Variants in SGCD observed in about 807,000 individuals in gnomAD.
SGCD encodes the protein sarcoglycan delta.
A neutral mutation model predicts 36.6 loss-of-function variants in SGCD; 18 were observed. The observed-to-expected ratio is 0.49, with a 90% CI of 0.34 to 0.73. The LOEUF (loss-of-function observed/expected upper bound fraction) is 0.73, where lower values mean the gene tolerates loss of function less well. Among genes scored for constraint, SGCD ranks in the 30% least tolerant of loss-of-function variants. SGCD has a pLI of 0.01. For missense variants in SGCD, 387 were observed against 346.7 expected (o/e 1.12, Z -0.92); for synonymous variants, 133 against 130.6 (o/e 1.02, Z -0.12).
the SGCD span, among the ~76,000 whole-genome samples, chr5:155,778,438 T>G: frequency 2.3e-4 from 35 of 152,178 alleles, no homozygotes; most frequent in Admixed American, 1.3e-4. Context: ...GAGAAGAGAA[T>G]AAAACCCAGA....
Position 155,882,890 on chromosome 5 carries a change from T to C in SGCD, c.-282+12466T>C, listed in dbSNP as rs138458091. The stretch of plus-strand genomic sequence containing the variant: ...AAGCCGGGCATTGACTTTTGCTCTC[T>C]AGCTATCAAATCCCTGTATGGCTTC... On this transcript the variant is annotated intron_variant, in intron 1 of 9. Coordinates refer to the SGCD transcript ENST00000517913. Among the ~76,000 whole-genome samples the C allele has an allele frequency of 8.0e-3, 1,218 of 152,330 alleles. 7 individuals are homozygous for C. The highest frequency in any genetic ancestry group is 0.022 in the African/African-American group (931 of 41,570).
At chr5:156,530,266 C>A (rs1447144206) in intron 4 of SGCD, among the ~76,000 whole-genome samples, 1 of 151,482 alleles carries the variant, frequency 6.6e-6, no homozygotes, top group Non-Finnish European at 1.5e-5. Flanking sequence ...TCAGTTAAAG[C>A]TCAGCAGTTA....
Position 156,761,936 on chromosome 5 carries a change from T to A in SGCD, c.*2546T>A, listed in dbSNP as rs530364527. ...TCATTTATGCTAAGTGACCACAGTA[T>A]ACAAAGTAATAAGCAGGAAATTTGA... On this transcript the variant is annotated 3_prime_UTR_variant, in exon 9 of 9. Transcript: ENST00000337851. 6 of 152,524 alleles carry A rather than the reference T, an allele frequency of 3.9e-5. No homozygotes were observed. The South Asian group carries it at 1.2e-3, about 32-fold the overall frequency. 9.4% of individuals were successfully genotyped at this position (152,524 alleles called of 1,614,324 possible).
chr5:155,805,626 G>A, the SGCD span, among the ~76,000 whole-genome samples: 6 of 152,262 alleles, frequency 3.9e-5, no homozygotes, highest in Middle Eastern at 6.8e-3. Context: ...TCCACTCATC[G>A]CGAAATAGTC....
At chr5:155,919,796 T>A (rs552742804) in intron 1 of SGCD, among the ~76,000 whole-genome samples, 1 of 152,330 alleles carries the variant, frequency 6.6e-6, no homozygotes, top group Middle Eastern at 3.4e-3. Context: ...GATTGATTCA[T>A]TTACTGATTC....
chr5:156,607,893 C>T (rs188243108), intron 6 of SGCD, among the ~76,000 whole-genome samples: 1,781 of 152,102 alleles, frequency 0.012, 13 homozygotes, highest in Non-Finnish European at 0.018. Context: ...GTGGTGATAT[C>T]CCCTTTATCA....
At chr5:156,605,918 G>A (rs1335246121) in intron 6 of SGCD, among the ~76,000 whole-genome samples, 1 of 151,916 alleles carries the variant, frequency 6.6e-6, no homozygotes, top group African/African-American at 2.4e-5. Flanking sequence ...TAAATTTGTT[G>A]GAGTTCATTG....
the SGCD span, among the ~76,000 whole-genome samples, chr5:155,751,736 A>G: frequency 6.6e-6 from 1 of 151,970 alleles, no homozygotes; most frequent in Admixed American, 6.6e-5. Flanking sequence ...AAAAAGAAAA[A>G]CACACACATT....
chr5:155,914,676 A>G (rs1756701670), intron 1 of SGCD, among the ~76,000 whole-genome samples: 2 of 152,206 alleles, frequency 1.3e-5, no homozygotes, highest in Non-Finnish European at 2.9e-5. Flanking sequence ...AAAAGCGTAT[A>G]TTAAGTCCCT....
At chr5:156,093,964 C>A (rs962320662) in intron 1 of SGCD, among the ~76,000 whole-genome samples, 2 of 152,258 alleles carry the variant, frequency 1.3e-5, no homozygotes, top group South Asian at 4.1e-4. Context: ...AAGCCACCCA[C>A]GGATATTTGC....
At chr5:156,455,770 T>C (rs531700633) in intron 3 of SGCD, among the ~76,000 whole-genome samples, 9 of 152,352 alleles carry the variant, frequency 5.9e-5, no homozygotes, top group South Asian at 4.1e-4. Context: ...TGTGACCTTT[T>C]TTGGAAATAG....
At chr5:156,022,270 G>A (rs1423475216) in intron 1 of SGCD, among the ~76,000 whole-genome samples, 1 of 152,052 alleles carries the variant, frequency 6.6e-6, no homozygotes, top group Admixed American at 6.6e-5. Context: ...TATGTTTGTT[G>A]TTATATTGTG....
chr5:156,344,811 A>G (rs944389205), intron 3 of SGCD, 134 bp downstream of exon 3: 1 of 631,334 alleles, frequency 1.6e-6, no homozygotes, highest in South Asian at 2.2e-5. Context: ...TTTTGGTGAA[A>G]GAGCATTTCT....
chr5:156,002,098 C>G lies in SGCD; in HGVS notation c.-281-115780C>G, dbSNP rs569885095. Among the ~76,000 whole-genome samples the G allele has an allele frequency of 2.6e-5, 4 of 152,322 alleles. No homozygotes were observed. In the South Asian group the frequency reaches 8.3e-4, roughly 32 times the overall value. On this transcript the variant is annotated intron_variant, in intron 1 of 9. Coordinates refer to the SGCD transcript ENST00000517913. ...CTCATATTCATATGTCGACTCCAACCTCCAGGACCTCAGAATGTGGCTGTG... is the reference window on the plus strand; with the variant it reads ...CTCATATTCATATGTCGACTCCAACGTCCAGGACCTCAGAATGTGGCTGTG...
At chr5:156,043,927 G>T (rs1759699432) in intron 1 of SGCD, among the ~76,000 whole-genome samples, 1 of 145,592 alleles carries the variant, frequency 6.9e-6, no homozygotes, top group East Asian at 1.9e-4. Flanking sequence ...TCTTCCAAGG[G>T]TAAAACACTG....
At chr5:156,105,220 A>G (rs1308969601) in intron 1 of SGCD, among the ~76,000 whole-genome samples, 2 of 152,232 alleles carry the variant, frequency 1.3e-5, no homozygotes. Flanking sequence ...CAAAGAAGGA[A>G]GAAAGAACCT....
chr5:155,853,131 A>ATATAATGGAGAGAAACATCCATTAT, the SGCD span, among the ~76,000 whole-genome samples: 129 of 152,012 alleles, frequency 8.5e-4, no homozygotes, highest in African/African-American at 3.0e-3. Context: ...CATTATTATA[A>ATATAATGGAGAGAAACATCCATTAT]TATAATGGAG....
chr5:156,240,959 T>C (rs539962032), intron 3 of SGCD, among the ~76,000 whole-genome samples: 6 of 152,338 alleles, frequency 3.9e-5, no homozygotes, highest in Admixed American at 2.6e-4. Context: ...TTTTGGGCTC[T>C]AGATTAATTT....
chr5:156,747,425 T>C (rs1232099849), intron 7 of SGCD, among the ~76,000 whole-genome samples: 1 of 152,188 alleles, frequency 6.6e-6, no homozygotes, highest in Non-Finnish European at 1.5e-5. Context: ...TGTTAAGCTA[T>C]TGGACAGGGC....
Sources: allele counts gnomAD v4.1 joint callset (sites outside exome capture counted in the v4.1 genomes callset), GRCh38; gene constraint gnomAD v4.1.1; transcripts MANE v1.5; gene names NCBI Gene and HGNC (gene_info 2026-07-23, HGNC 2026-07-21).